Variants in STPG2 observed in about 807,000 individuals in gnomAD.
STPG2 encodes sperm tail PG-rich repeat containing 2.
Under a neutral mutation model 54.2 loss-of-function variants are expected in STPG2, and 56 were observed. The ratio of observed to expected loss-of-function variants is 1.03; its 90% CI spans 0.83 to 1.29. The LOEUF (loss-of-function observed/expected upper bound fraction) is 1.29. STPG2 is among the 50% of genes most tolerant of loss of function. The probability of loss-of-function intolerance (pLI) is 0.00; values close to 1 mark genes in which losing one functional copy is unlikely to be tolerated. For missense variants in STPG2, 596 were observed against 544.9 expected (o/e 1.09, Z -0.93); for synonymous variants, 200 against 181.8 (o/e 1.10, Z -0.81).
chr4:97,544,729 C>T (rs1203451120), intron 4 of STPG2, among the ~76,000 whole-genome samples: 2 of 152,038 alleles, frequency 1.3e-5, no homozygotes, highest in Non-Finnish European at 2.9e-5. Flanking sequence ...TGCCTAATCT[C>T]TACTTAAACC....
intron 6 of STPG2, among the ~76,000 whole-genome samples, chr4:97,977,827 C>T (rs530373902): frequency 5.9e-5 from 9 of 152,290 alleles, no homozygotes; most frequent in African/African-American, 1.9e-4. Context: ...ATCAGACAAT[C>T]GGTCAGAAAC....
At chr4:98,050,042 T>C (rs1204440257) in intron 5 of STPG2, among the ~76,000 whole-genome samples, 1 of 152,082 alleles carries the variant, frequency 6.6e-6, no homozygotes, top group African/African-American at 2.4e-5. Flanking sequence ...AATGAAGAGA[T>C]AGAGAGGAAG....
At chr4:97,953,620 C>T (rs570696928) in intron 7 of STPG2, among the ~76,000 whole-genome samples, 5 of 152,244 alleles carry the variant, frequency 3.3e-5, no homozygotes, top group Admixed American at 6.5e-5. Context: ...AGGCTCTTCC[C>T]ACACTGCTCC....
chr4:97,865,809 C>A (rs1578637538), intron 8 of STPG2, among the ~76,000 whole-genome samples: 1 of 151,776 alleles, frequency 6.6e-6, no homozygotes, highest in East Asian at 1.9e-4. Flanking sequence ...TGTAACAAAC[C>A]TGCACATTGT....
At chr4:97,895,904 T>C (rs1237268616) in intron 8 of STPG2, among the ~76,000 whole-genome samples, 3 of 151,746 alleles carry the variant, frequency 2.0e-5, no homozygotes, top group Non-Finnish European at 4.4e-5. Flanking sequence ...CTTGGGTACT[T>C]TAAAATATAA....
At chr4:98,033,127 AC>A (rs201065329) in intron 5 of STPG2, among the ~76,000 whole-genome samples, 51,564 of 141,334 alleles carry the variant, frequency 0.36, 9,158 homozygotes, top group African/African-American at 0.44. Context: ...ACACACACAC[AC>A]AAAAAAAACC....
At chr4:97,640,468 A>T (rs1347554257) in intron 10 of STPG2, among the ~76,000 whole-genome samples, 1 of 151,980 alleles carries the variant, frequency 6.6e-6, no homozygotes, top group African/African-American at 2.4e-5. Flanking sequence ...ATAAATATTT[A>T]AAATGAGTCA....
intron 3 of STPG2, among the ~76,000 whole-genome samples, chr4:98,122,872 A>C (rs1739719988): frequency 6.6e-6 from 1 of 152,050 alleles, no homozygotes. Context: ...TCGATTTCAG[A>C]ACTCATTATT....
intron 9 of STPG2, among the ~76,000 whole-genome samples, chr4:97,737,644 G>A (rs1725056804): frequency 6.6e-6 from 1 of 152,152 alleles, no homozygotes; most frequent in Non-Finnish European, 1.5e-5. Flanking sequence ...AATGAAGCGA[G>A]AAGGGAAGCT....
intron 4 of STPG2, among the ~76,000 whole-genome samples, chr4:97,479,850 A>G (rs976807400): frequency 1.3e-5 from 2 of 151,880 alleles, no homozygotes; most frequent in Admixed American, 6.6e-5. Flanking sequence ...ACTCAAGAAA[A>G]GGGAAGCAAA....
At chr4:97,817,985 T>C (rs973092358) in intron 9 of STPG2, among the ~76,000 whole-genome samples, 29 of 151,900 alleles carry the variant, frequency 1.9e-4, no homozygotes, top group African/African-American at 7.0e-4. Flanking sequence ...AAGTAGCCCA[T>C]GTTTACAGCT....
At chr4:97,462,390 T>C (rs1729685311) in intron 4 of STPG2, among the ~76,000 whole-genome samples, 1 of 152,030 alleles carries the variant, frequency 6.6e-6, no homozygotes, top group Non-Finnish European at 1.5e-5. Flanking sequence ...AAATTCTATA[T>C]AAATTTTCAT....
chr4:98,071,715 A>G (rs1283140195), intron 5 of STPG2, among the ~76,000 whole-genome samples: 3 of 152,114 alleles, frequency 2.0e-5, no homozygotes, highest in Non-Finnish European at 2.9e-5. Context: ...AATTTACAGG[A>G]ACAAAACAAC....
intron 10 of STPG2, among the ~76,000 whole-genome samples, chr4:97,605,142 C>A (rs75005831): frequency 0.015 from 2,264 of 149,846 alleles, 52 homozygotes; most frequent in African/African-American, 0.053. Flanking sequence ...TCTTTTCTTT[C>A]TTGATAAAAA....
intron 4 of STPG2, among the ~76,000 whole-genome samples, chr4:97,541,138 G>A (rs894083988): frequency 6.6e-6 from 1 of 152,034 alleles, no homozygotes. Context: ...GGCAGGAGAA[G>A]GAAATAAAGG....
chr4:97,456,296 C>T (rs1441814424), intron 4 of STPG2, among the ~76,000 whole-genome samples: 2 of 152,000 alleles, frequency 1.3e-5, no homozygotes, highest in Non-Finnish European at 2.9e-5. Context: ...AAAGGGGAAG[C>T]AAGCACATTT....
rs538166608 is a variant in STPG2, at chr4:97,956,933, A to G, written c.934-12926T>C. On this transcript the variant is annotated intron_variant, in intron 7 of 10. Transcript: ENST00000295268. Reference sequence around the variant, plus strand: ...AAAATAAGGTTCATTAACATCCTCAAAAAATCACATTAGCTCACCAGCAAT... The same window carrying G: ...AAAATAAGGTTCATTAACATCCTCAGAAAATCACATTAGCTCACCAGCAAT... Among the ~76,000 whole-genome samples, 16 of 152,272 alleles carry G rather than the reference A, an allele frequency of 1.1e-4. No homozygotes were observed. In the East Asian group the frequency reaches 2.9e-3, roughly 28 times the overall value.
intron 1 of STPG2, among the ~76,000 whole-genome samples, chr4:98,139,874 T>C (rs1322681538): frequency 1.3e-5 from 2 of 152,246 alleles, no homozygotes; most frequent in African/African-American, 4.8e-5. Flanking sequence ...TTTAATTTTA[T>C]TTCAAGATTA....
At chr4:98,038,164 T>C (rs1179686221) in intron 5 of STPG2, among the ~76,000 whole-genome samples, 2 of 152,212 alleles carry the variant, frequency 1.3e-5, no homozygotes, top group South Asian at 4.1e-4. Flanking sequence ...CACATGTTAC[T>C]GCACCTGGCT....
Sources: gnomAD v4.1 joint callset for allele counts (sites outside exome capture counted in the v4.1 genomes callset) on GRCh38, gnomAD v4.1.1 for gene constraint, MANE v1.5 for transcripts, NCBI Gene and HGNC (gene_info 2026-07-23, HGNC 2026-07-21) for gene names.